UNC79: variants seen among roughly 807,000 people sequenced by gnomAD.
UNC79 encodes protein unc-79 homolog.
Under a neutral mutation model 283.1 loss-of-function variants are expected in UNC79, and 37 were observed. The observed-to-expected ratio is 0.13, with a 90% CI of 0.10 to 0.17. The LOEUF is 0.17. Among genes scored for constraint, UNC79 ranks in the 10% least tolerant of loss-of-function variants. UNC79 has a pLI of 1.00. For missense variants in UNC79, 2,272 were observed against 3,211.1 expected (o/e 0.71, Z 7.07); for synonymous variants, 1,107 against 1,200.2 (o/e 0.92, Z 1.61).
intron 1 of UNC79, among the ~76,000 whole-genome samples, chr14:93,387,474 T>G (rs1423250986): frequency 6.6e-6 from 1 of 152,238 alleles, no homozygotes; most frequent in East Asian, 1.9e-4. Flanking sequence ...TTCTAAATTT[T>G]CTTCTTACTT....
chr14:93,355,610 G>A (rs1374290429), intron 1 of UNC79, among the ~76,000 whole-genome samples: 2 of 152,208 alleles, frequency 1.3e-5, no homozygotes, highest in Admixed American at 6.5e-5. Context: ...TGGGATTATA[G>A]ATGTGAGCCA....
At chr14:93,694,255 G>T in intron 46 of UNC79, 80 bp from the exon 50 acceptor site, 18 of 1,325,942 alleles carry the variant, frequency 1.4e-5, no homozygotes, top group Non-Finnish European at 1.7e-5. Flanking sequence ...ACAGGACATC[G>T]GTCTTCTGCG....
At chr14:93,554,240 C>A (rs1363386016) in intron 14 of UNC79, among the ~76,000 whole-genome samples, 1 of 151,508 alleles carries the variant, frequency 6.6e-6, no homozygotes, top group Admixed American at 6.6e-5. Flanking sequence ...CCCAGCTACT[C>A]GGGAGGCTGA....
chr14:93,404,497 T>A (rs375493333), intron 1 of UNC79, among the ~76,000 whole-genome samples: 6,811 of 53,860 alleles, frequency 0.13, 927 homozygotes, highest in African/African-American at 0.23. Flanking sequence ...AAAAAAAATA[T>A]ATATATATAT....
chr14:93,649,038 C>T (rs986374581), intron 35 of UNC79, among the ~76,000 whole-genome samples: 1 of 152,112 alleles, frequency 6.6e-6, no homozygotes, highest in Non-Finnish European at 1.5e-5. Flanking sequence ...AGGGCAGGGA[C>T]GGATGCTGTG....
At position 93,537,858 on chromosome 14, in the gene UNC79, C is replaced by T. The variant is rs116422944; in HGVS notation, c.1123-131C>T. 1.0e-3 allele frequency: 820 copies of T among 819,656 alleles called. 4 individuals are homozygous for T. The African/African-American group carries it at 0.012, about 12-fold the overall frequency. The allele number at this position is 819,656 out of a possible 1,614,324, so 50.8% of individuals were successfully genotyped here. ...ATCTAGGTAGTGGGAGAATAACCTG[C>T]GCTTTGGAAACTAGTGGCCCTTGAA... On this transcript the variant is annotated intron_variant, in intron 11 of 48. Coordinates refer to ENST00000555664, the Ensembl canonical transcript of UNC79.
At chr14:93,500,443 T>C (rs913041613) in intron 7 of UNC79, among the ~76,000 whole-genome samples, 1 of 152,130 alleles carries the variant, frequency 6.6e-6, no homozygotes. Flanking sequence ...TGGCATTCTG[T>C]GTAGGAAACA....
intron 1 of UNC79, among the ~76,000 whole-genome samples, chr14:93,402,985 A>AAGATGTACATTGGTTCTGTCT (rs1566914204): frequency 6.6e-6 from 1 of 152,192 alleles, no homozygotes; most frequent in Admixed American, 6.5e-5. Flanking sequence ...TAATATGTGT[A>AAGATGTACATTGGTTCTGTCT]AGATGTACAT....
At chr14:93,385,493 C>G (rs1412936320) in intron 1 of UNC79, among the ~76,000 whole-genome samples, 6 of 152,008 alleles carry the variant, frequency 3.9e-5, no homozygotes, top group Admixed American at 3.9e-4. Context: ...AAAAATGCTG[C>G]TGAGGCCAGG....
At chr14:93,558,295 G>A (rs1245925186) in intron 14 of UNC79, among the ~76,000 whole-genome samples, 2 of 152,266 alleles carry the variant, frequency 1.3e-5, no homozygotes, top group East Asian at 3.9e-4. Flanking sequence ...GGTGGCTCAC[G>A]CCTGTAATCC....
At chr14:93,363,797 C>T (rs187112742) in intron 1 of UNC79, among the ~76,000 whole-genome samples, 1 of 152,174 alleles carries the variant, frequency 6.6e-6, no homozygotes, top group Admixed American at 6.5e-5. Context: ...GGGCTCACTG[C>T]AAGCTCTGCC....
At chr14:93,611,845 A>T (rs984052462) in intron 26 of UNC79, among the ~76,000 whole-genome samples, 2 of 132,074 alleles carry the variant, frequency 1.5e-5, no homozygotes, top group African/African-American at 5.9e-5. Context: ...GTTTCTTATT[A>T]AAAAAAAAAA....
intron 1 of UNC79, among the ~76,000 whole-genome samples, chr14:93,343,764 CTTTCTCATTCAT>C (rs1437359787): frequency 0.013 from 1,950 of 152,178 alleles, 47 homozygotes; most frequent in African/African-American, 0.045. Flanking sequence ...GCGAGGGTGT[CTTTCTCATTCAT>C]TGTGTACATA....
chr14:93,580,222 A>G (rs774293344), exon 19 of UNC79: 3 of 1,614,186 alleles, frequency 1.9e-6, no homozygotes, highest in Non-Finnish European at 8.5e-7. Context: ...TCTATTATAA[A>G]CAATGTCTTC....
At position 93,617,247 on chromosome 14, in the gene UNC79, C is replaced by T. The variant is rs2066797073; in HGVS notation, c.4167C>T (p.Ser1389=). The change falls in exon 28 of 49, where the codon TCC becomes TCT. Residue 1389 remains serine (S), a synonymous_variant. Coordinates refer to ENST00000555664, the Ensembl canonical transcript of UNC79. This position sits in a 1 kb window ranked among gnomAD's most constrained non-coding sequence, Gnocchi z 4.5. The stretch of plus-strand genomic sequence containing the variant: ...AGCCGCCTCGTTGCTCCCTCTGGTC[C>T]CTAAAGCCTCACATCCGGCAGATGT... 6.2e-7 allele frequency: 1 copy of T among 1,614,218 alleles called. No homozygotes were observed. The highest frequency in any genetic ancestry group is 8.5e-7 in the Non-Finnish European group (1 of 1,180,044).
At chr14:93,704,237 A>G (rs1229803589) in intron 47 of UNC79, among the ~76,000 whole-genome samples, 1 of 152,248 alleles carries the variant, frequency 6.6e-6, no homozygotes, top group East Asian at 1.9e-4. Context: ...CTTAATGACT[A>G]CAGGCAAATA....
At chr14:93,608,082 G>C (rs975556668) in intron 26 of UNC79, among the ~76,000 whole-genome samples, 7 of 152,170 alleles carry the variant, frequency 4.6e-5, no homozygotes, top group Non-Finnish European at 8.8e-5. Context: ...CTGGTCTTGA[G>C]CTTCTGGGCT....
At chr14:93,586,551 G>A (rs2064236134) in intron 20 of UNC79, 45 bp from the exon 21 acceptor site, 5 of 1,486,758 alleles carry the variant, frequency 3.4e-6, no homozygotes, top group Non-Finnish European at 4.6e-6. Context: ...AATGATGGGG[G>A]AGAGGAAGAG....
chr14:93,513,765 C>T (rs937162148), intron 7 of UNC79, among the ~76,000 whole-genome samples: 6 of 152,166 alleles, frequency 3.9e-5, no homozygotes, highest in African/African-American at 1.2e-4. Flanking sequence ...AATATTGGAA[C>T]TTATTCCTTC....
Sources: gnomAD v4.1 joint callset for allele counts (sites outside exome capture counted in the v4.1 genomes callset) on GRCh38, gnomAD v4.1.1 for gene constraint, Gnocchi (gnomAD v3.1) non-coding constraint, MANE v1.5 for transcripts, NCBI Gene and HGNC (gene_info 2026-07-23, HGNC 2026-07-21) for gene names.